ABLIM2: variants seen among roughly 807,000 people sequenced by gnomAD.
ABLIM2 encodes the protein actin-binding LIM protein 2.
A neutral mutation model predicts 97.7 loss-of-function variants in ABLIM2; 53 were observed. The ratio of observed to expected loss-of-function variants is 0.54; its 90% CI spans 0.44 to 0.68. The LOEUF is 0.68. ABLIM2 is among the 30% of genes least tolerant of loss of function. ABLIM2 has a pLI of 0.00. For synonymous variants in ABLIM2, 361 were observed against 345.8 expected, an observed-to-expected ratio of 1.04 and a Z score of -0.49; for missense variants, 835 against 867.2, an observed-to-expected ratio of 0.96 and a Z score of 0.47.
intron 8 of ABLIM2, among the ~76,000 whole-genome samples, chr4:8,053,968 T>C (rs1797520806): frequency 6.6e-6 from 1 of 152,180 alleles, no homozygotes; most frequent in African/African-American, 2.4e-5. Context: ...TGGTATTCTG[T>C]GATATCAACA....
chr4:8,026,503 G>A (rs539197582), intron 12 of ABLIM2, among the ~76,000 whole-genome samples: 3 of 152,384 alleles, frequency 2.0e-5, no homozygotes, highest in South Asian at 2.1e-4. Context: ...CAGTGATGGA[G>A]AGTCCAGCTG....
intron 11 of ABLIM2, among the ~76,000 whole-genome samples, chr4:8,028,183 C>T (rs1579071843): frequency 6.6e-6 from 1 of 152,226 alleles, no homozygotes; most frequent in Admixed American, 6.5e-5. Context: ...AGCTGGAGAG[C>T]AGTTCAGGGA....
chr4:8,060,914 G>T, intron 7 of ABLIM2, 53 bp downstream of exon 7: 3 of 1,456,568 alleles, frequency 2.1e-6, no homozygotes, highest in Middle Eastern at 1.7e-4. Context: ...TGTGGACATC[G>T]AAGAGGGTAG....
chr4:7,984,410 C>T (rs1366052032), intron 18 of ABLIM2, among the ~76,000 whole-genome samples: 1 of 152,248 alleles, frequency 6.6e-6, no homozygotes, highest in Non-Finnish European at 1.5e-5. Context: ...GACCAGGTGG[C>T]CGCTCTGGTA....
In ABLIM2 at chr4:8,120,014, G is replaced by A. The variant is rs1844591606; in HGVS notation, c.11-13377C>T. Among the ~76,000 whole-genome samples, 2 of 152,174 alleles carry A rather than the reference G, an allele frequency of 1.3e-5. No homozygotes were observed. The highest frequency in any genetic ancestry group is 1.5e-5 in the Non-Finnish European group (1 of 68,020). On this transcript the variant is annotated intron_variant, in intron 1 of 20. Coordinates refer to ENST00000447017, the MANE Select transcript of ABLIM2 (RefSeq NM_001130083.2). This position sits in a 1 kb window ranked among gnomAD's most constrained non-coding sequence, Gnocchi z 5.6. ...TCCCTATTTTGAGGCAGGGGTCCAT[G>A]AGGACAAAGTCACTCTTGGCCACAA...
chr4:8,089,889 T>C (rs559303682), intron 3 of ABLIM2, among the ~76,000 whole-genome samples: 2 of 152,252 alleles, frequency 1.3e-5, no homozygotes, highest in Admixed American at 1.3e-4. Context: ...CTTGGTCTAC[T>C]CTCTCCTGCC....
At chr4:8,117,336 A>AGCCCACTGCCCCT (rs1249862609) in intron 1 of ABLIM2, among the ~76,000 whole-genome samples, 1 of 152,144 alleles carries the variant, frequency 6.6e-6, no homozygotes. Context: ...ACCGATTTGC[A>AGCCCACTGCCCCT]GCCCACTGCC....
At chr4:8,020,352 C>A (rs201982471) in intron 12 of ABLIM2, 49 bp from the exon 13 acceptor site, 92 of 1,497,808 alleles carry the variant, frequency 6.1e-5, no homozygotes, top group Middle Eastern at 5.1e-4. Flanking sequence ...AACGGGAAAG[C>A]AAAGTAGAAT....
intron 16 of ABLIM2, among the ~76,000 whole-genome samples, chr4:8,000,138 C>T (rs891683295): frequency 3.3e-5 from 5 of 152,074 alleles, no homozygotes; most frequent in African/African-American, 1.2e-4. Context: ...CTTGGTGTCT[C>T]CATCTGAGGA....
intron 10 of ABLIM2, among the ~76,000 whole-genome samples, chr4:8,034,146 C>CGA (rs1464936061): frequency 2.6e-5 from 4 of 152,134 alleles, no homozygotes; most frequent in Non-Finnish European, 5.9e-5. Context: ...GCCCTGTGGC[C>CGA]GAGACGCGAG....
At chr4:7,989,359 CTG>C in intron 17 of ABLIM2, 1 of 975,458 alleles carries the variant, frequency 1.0e-6, no homozygotes, top group South Asian at 4.8e-5. Context: ...GATTATAGGC[CTG>C]AACCACTTTG....
chr4:8,156,763 T>C (rs1203420297), intron 1 of ABLIM2, among the ~76,000 whole-genome samples: 2 of 152,190 alleles, frequency 1.3e-5, no homozygotes, highest in Non-Finnish European at 2.9e-5. Context: ...TTGTTGATGA[T>C]GGAAGCTCCT....
In ABLIM2 at chr4:8,150,815, G is replaced by A. The variant is rs1226470315; in HGVS notation, c.10+7865C>T. 6.6e-6 allele frequency among the ~76,000 whole-genome samples: 1 copy of A among 152,192 alleles called. No homozygotes were observed. The highest frequency in any genetic ancestry group is 1.5e-5 in the Non-Finnish European group (1 of 68,034). On this transcript the variant is annotated intron_variant, in intron 1 of 20. Transcript: ENST00000447017. This position sits in a 1 kb window ranked among gnomAD's most constrained non-coding sequence, Gnocchi z 6.3. ...CAGCCTTGTAACCAGGACTGAGATG[G>A]GGCTGGCAGGGGAGACAGCAGGACC...
Position 8,043,262 on chromosome 4 carries a change from G to A in ABLIM2, c.900+1902C>T, listed in dbSNP as rs1789931926. 6.6e-6 allele frequency among the ~76,000 whole-genome samples: 1 copy of A among 152,196 alleles called. No individual in the cohort carries two copies. Among genetic ancestry groups the A allele is most frequent in the Admixed American group, 6.5e-5 (1 of 15,276 alleles). ...AATACGTCTGTCATGCTTTTCTCTT[G>A]TGAACTTGTCTCTCGTTATAGGAGT... On this transcript the variant is annotated intron_variant, in intron 9 of 20. Transcript: ENST00000447017. The surrounding 1 kb of genome is among the most constrained non-coding windows in gnomAD (Gnocchi z 4.8).
At chr4:8,154,109 C>T (rs1158225020) in intron 1 of ABLIM2, among the ~76,000 whole-genome samples, 2 of 151,458 alleles carry the variant, frequency 1.3e-5, no homozygotes, top group African/African-American at 4.9e-5. Flanking sequence ...TCTACAGGCA[C>T]CTGCCACCAC....
intron 18 of ABLIM2, among the ~76,000 whole-genome samples, chr4:7,983,854 C>T (rs542926254): frequency 6.6e-6 from 1 of 152,344 alleles, no homozygotes; most frequent in African/African-American, 2.4e-5. Context: ...TGGTCTGGGC[C>T]ACCCTGAGAA....
rs758575303 is a variant in ABLIM2 at position 8,054,258 on chromosome 4, T to C, written c.764-12A>G. ...CCAGATGGAGGAACCTGTTGACAAA[T>C]TCCCAAGAGGGAAATGATTAGAGTT... On this transcript the variant is annotated splice_polypyrimidine_tract_variant and intron_variant, in intron 7 of 20. Coordinates refer to ENST00000447017, the MANE Select transcript of ABLIM2 (RefSeq NM_001130083.2). The surrounding 1 kb of genome is among the most constrained non-coding windows in gnomAD (Gnocchi z 4.9). The C allele has an allele frequency of 1.2e-6, 2 of 1,613,774 alleles. No homozygotes were observed. The highest frequency in any genetic ancestry group is 1.3e-5 in the African/African-American group (1 of 74,934).
At position 8,085,768 on chromosome 4, in the gene ABLIM2, G is replaced by A. The variant is rs1181125395; in HGVS notation, c.454+2401C>T. Among the ~76,000 whole-genome samples the A allele has an allele frequency of 1.3e-5, 2 of 152,212 alleles. No homozygotes were observed. The highest frequency in any genetic ancestry group is 2.9e-5 in the Non-Finnish European group (2 of 68,042). ...CACATTTCACAGGTGTTTAGTCTTTGTACTCATCTGTAGCATCCTCCCCCT... is the reference window on the plus strand; with the variant it reads ...CACATTTCACAGGTGTTTAGTCTTTATACTCATCTGTAGCATCCTCCCCCT... On this transcript the variant is annotated intron_variant, in intron 4 of 20. Coordinates refer to ENST00000447017, the MANE Select transcript of ABLIM2 (RefSeq NM_001130083.2). The surrounding 1 kb of genome is among the most constrained non-coding windows in gnomAD (Gnocchi z 6.1).
Position 8,095,201 on chromosome 4 carries a change from C to T in ABLIM2, c.338+1898G>A, listed in dbSNP as rs899918784. On this transcript the variant is annotated intron_variant, in intron 3 of 20. Coordinates refer to ENST00000447017, the MANE Select transcript of ABLIM2 (RefSeq NM_001130083.2). The surrounding 1 kb of genome is among the most constrained non-coding windows in gnomAD (Gnocchi z 4.7). ...TCACTGCAGCCTCAAAATCCTGGGCCCAAGCAATCCTCCCATCTCAGCCTC... is the reference window on the plus strand; with the variant it reads ...TCACTGCAGCCTCAAAATCCTGGGCTCAAGCAATCCTCCCATCTCAGCCTC... Among the ~76,000 whole-genome samples, 1 of 151,828 alleles carries T rather than the reference C, an allele frequency of 6.6e-6. No homozygotes were observed. The highest frequency in any genetic ancestry group is 2.4e-5 in the African/African-American group (1 of 41,296).
Sources: allele counts gnomAD v4.1 joint callset (sites outside exome capture counted in the v4.1 genomes callset), GRCh38; gene constraint gnomAD v4.1.1; non-coding constraint Gnocchi (gnomAD v3.1); transcripts MANE v1.5; gene names NCBI Gene and HGNC (gene_info 2026-07-23, HGNC 2026-07-21).